FSTL5: variants seen among roughly 807,000 people sequenced by gnomAD.
FSTL5 encodes the protein follistatin like 5.
Under a neutral mutation model 89.1 loss-of-function variants are expected in FSTL5, and 62 were observed. The observed-to-expected ratio is 0.70, with a 90% CI of 0.57 to 0.86. The LOEUF (loss-of-function observed/expected upper bound fraction) is 0.86. FSTL5 is among the 40% of genes least tolerant of loss of function. FSTL5 has a pLI of 0.00. For synonymous variants in FSTL5, 383 were observed against 346.2 expected (o/e 1.11, Z -1.18); for missense variants, 1,057 against 1,001.6 (o/e 1.06, Z -0.75).
At chr4:162,052,068 A>G (rs1738395651) in intron 2 of FSTL5, among the ~76,000 whole-genome samples, 1 of 151,652 alleles carries the variant, frequency 6.6e-6, no homozygotes, top group South Asian at 2.1e-4. Flanking sequence ...AAAAAATAAA[A>G]GTAGAATTTT....
At chr4:161,570,386 C>T (rs2126584552) in intron 8 of FSTL5, among the ~76,000 whole-genome samples, 1 of 152,094 alleles carries the variant, frequency 6.6e-6, no homozygotes, top group Non-Finnish European at 1.5e-5. Context: ...TGTATAAGGT[C>T]CAAAAGGAAG....
At chr4:161,709,009 A>G (rs1738684129) in intron 6 of FSTL5, among the ~76,000 whole-genome samples, 1 of 152,166 alleles carries the variant, frequency 6.6e-6, no homozygotes, top group Non-Finnish European at 1.5e-5. Flanking sequence ...AAAATCTAAT[A>G]AGTACTGATT....
intron 1 of FSTL5, among the ~76,000 whole-genome samples, chr4:162,152,973 CATG>C (rs1733288905): frequency 6.6e-6 from 1 of 151,730 alleles, no homozygotes; most frequent in African/African-American, 2.4e-5. Flanking sequence ...TTACTTTTTT[CATG>C]ATATGTGCCT....
intron 8 of FSTL5, among the ~76,000 whole-genome samples, chr4:161,550,792 T>C (rs745760605): frequency 6.6e-5 from 10 of 151,924 alleles, no homozygotes; most frequent in East Asian, 2.0e-4. Flanking sequence ...GTCCATGTGA[T>C]CTCATTGTTT....
chr4:161,854,199 A>G (rs987993277), intron 4 of FSTL5, among the ~76,000 whole-genome samples: 1 of 152,148 alleles, frequency 6.6e-6, no homozygotes, highest in African/African-American at 2.4e-5. Flanking sequence ...TGATGAGCTG[A>G]TCGGGTATAT....
intron 8 of FSTL5, among the ~76,000 whole-genome samples, chr4:161,560,525 T>G (rs1173047415): frequency 6.6e-6 from 1 of 151,846 alleles, no homozygotes. Flanking sequence ...AAATATACAT[T>G]GTACAAATGT....
intron 1 of FSTL5, among the ~76,000 whole-genome samples, chr4:162,153,721 AATATATGTATATATGTATATAATAAT>A (rs1433895640): frequency 6.6e-5 from 7 of 105,460 alleles, no homozygotes; most frequent in African/African-American, 2.4e-4. Flanking sequence ...TGTATATAAT[AATATATGTATATATGTATATAATAAT>A]ATACATGTAT....
At chr4:161,446,468 A>G (rs1424185875) in intron 15 of FSTL5, among the ~76,000 whole-genome samples, 1 of 152,052 alleles carries the variant, frequency 6.6e-6, no homozygotes, top group Non-Finnish European at 1.5e-5. Context: ...TAACAGTTGC[A>G]TCAAGAAAAA....
chr4:161,763,943 C>T (rs1159914934), intron 5 of FSTL5, among the ~76,000 whole-genome samples: 1 of 151,906 alleles, frequency 6.6e-6, no homozygotes, highest in African/African-American at 2.4e-5. Context: ...TTCTTGTCTC[C>T]CCCCTTTCTT....
chr4:161,871,998 T>A (rs1002297820), intron 4 of FSTL5, among the ~76,000 whole-genome samples: 1 of 5,518 alleles, frequency 1.8e-4, no homozygotes, highest in Non-Finnish European at 2.5e-3. Context: ...TTTTTTTAAT[T>A]TTTTTTTTTT....
chr4:162,008,044 C>T (rs1407595891), intron 3 of FSTL5, among the ~76,000 whole-genome samples: 1 of 151,586 alleles, frequency 6.6e-6, no homozygotes, highest in Non-Finnish European at 1.5e-5. Flanking sequence ...AAAATACGTA[C>T]TTATAATTTG....
At chr4:161,567,533 T>C (rs1732861893) in intron 8 of FSTL5, among the ~76,000 whole-genome samples, 1 of 152,156 alleles carries the variant, frequency 6.6e-6, no homozygotes, top group African/African-American at 2.4e-5. Flanking sequence ...AGTACTTGTA[T>C]ACATAGAAGT....
At chr4:162,158,290 G>A (rs1365419375) in intron 1 of FSTL5, among the ~76,000 whole-genome samples, 1 of 152,000 alleles carries the variant, frequency 6.6e-6, no homozygotes, top group Non-Finnish European at 1.5e-5. Flanking sequence ...GAGGCACCAA[G>A]GGAAACACTG....
At position 162,131,998 on chromosome 4, in the gene FSTL5, T is replaced by C. The variant is rs199826733; in HGVS notation, c.-16-20586A>G. 8.5e-5 allele frequency among the ~76,000 whole-genome samples: 13 copies of C among 152,310 alleles called. No homozygotes were observed. The East Asian group carries it at 1.9e-3, about 23-fold the overall frequency. On this transcript the variant is annotated intron_variant, in intron 1 of 15. Coordinates refer to ENST00000306100, the MANE Select transcript of FSTL5 (RefSeq NM_020116.5). ...GGATCACAGGTGATTGCAATATAGG[T>C]GGCGCAAGCCTCAGACTTGTGAAAC...
intron 1 of FSTL5, among the ~76,000 whole-genome samples, chr4:162,120,969 T>C (rs2111432375): frequency 6.6e-6 from 1 of 152,096 alleles, no homozygotes; most frequent in African/African-American, 2.4e-5. Context: ...TTGGAGTTTT[T>C]GGTTCATACA....
intron 7 of FSTL5, among the ~76,000 whole-genome samples, chr4:161,634,805 T>C (rs537666638): frequency 2.0e-5 from 3 of 152,280 alleles, no homozygotes; most frequent in Admixed American, 1.3e-4. Context: ...GATTGAATTA[T>C]TGAGATCCAA....
At chr4:161,823,079 G>C (rs1199462060) in intron 4 of FSTL5, among the ~76,000 whole-genome samples, 2 of 152,164 alleles carry the variant, frequency 1.3e-5, no homozygotes, top group African/African-American at 4.8e-5. Context: ...GTCTCAGAAG[G>C]GAGGAAGTGC....
chr4:161,434,457 C>A lies in FSTL5; in HGVS notation c.1841+20547G>T, dbSNP rs1017385067. 3.3e-5 allele frequency among the ~76,000 whole-genome samples: 5 copies of A among 151,850 alleles called. No individual in the cohort carries two copies. The East Asian group carries it at 9.7e-4, about 29-fold the overall frequency. ...GAGACCTCAAAATATAAAACTACTA[C>A]AATAAAACATTGAGGAAACTCAATG... On this transcript the variant is annotated intron_variant, in intron 15 of 15. Coordinates refer to ENST00000306100, the MANE Select transcript of FSTL5 (RefSeq NM_020116.5).
intron 2 of FSTL5, among the ~76,000 whole-genome samples, chr4:162,048,408 T>C (rs1738270639): frequency 6.6e-6 from 1 of 151,972 alleles, no homozygotes; most frequent in Non-Finnish European, 1.5e-5. Flanking sequence ...GACTAAAACA[T>C]GCAAGATTTA....
Sources: allele counts gnomAD v4.1 joint callset (sites outside exome capture counted in the v4.1 genomes callset), GRCh38; gene constraint gnomAD v4.1.1; transcripts MANE v1.5; gene names NCBI Gene and HGNC (gene_info 2026-07-23, HGNC 2026-07-21).